The following WWOX variants were observed in gnomAD, a reference collection of about 807,000 sequenced individuals.
WWOX encodes WW domain containing oxidoreductase.
WWOX carries 69 observed loss-of-function variants against 46.2 expected under a neutral mutation model. The observed-to-expected ratio is 1.49, with a 90% confidence interval of 1.23 to 1.82. The LOEUF is 1.82. Among genes scored for constraint, WWOX ranks in the 40% most tolerant of loss-of-function variants. WWOX has a pLI of 0.00. For synonymous variants in WWOX, 359 were observed against 202.6 expected (o/e 1.77, Z -6.56); for missense variants, 919 against 542.6 (o/e 1.69, Z -6.89).
At chr16:79,008,839 C>T (rs1286890357) in intron 8 of WWOX, among the ~76,000 whole-genome samples, 1 of 152,178 alleles carries the variant, frequency 6.6e-6, no homozygotes, top group Admixed American at 6.5e-5. Context: ...GACCAGGGGG[C>T]CCCGATCAGG....
intron 8 of WWOX, among the ~76,000 whole-genome samples, chr16:78,912,367 G>C (rs992834637): frequency 5.3e-5 from 8 of 151,886 alleles, no homozygotes; most frequent in African/African-American, 1.9e-4. Flanking sequence ...ACTGTCATCT[G>C]CATTTTGCAC....
At chr16:78,794,345 G>C (rs74817357) in intron 8 of WWOX, among the ~76,000 whole-genome samples, 3 of 151,946 alleles carry the variant, frequency 2.0e-5, no homozygotes, top group East Asian at 3.9e-4. Flanking sequence ...AGTCTCTCTC[G>C]GTCTGTTCTG....
chr16:78,621,070 C>G (rs922720380), intron 8 of WWOX, among the ~76,000 whole-genome samples: 8 of 152,294 alleles, frequency 5.3e-5, no homozygotes, highest in African/African-American at 1.2e-4. Context: ...AACTTCCTTT[C>G]TCTTCTCCTG....
chr16:78,503,298 A>G (rs772969897), intron 8 of WWOX, among the ~76,000 whole-genome samples: 5 of 152,142 alleles, frequency 3.3e-5, no homozygotes, highest in Non-Finnish European at 7.3e-5. Context: ...TGAACTGAAA[A>G]TAAGGTAACA....
chr16:78,633,669 T>G (rs757286859), intron 8 of WWOX, among the ~76,000 whole-genome samples: 1 of 152,170 alleles, frequency 6.6e-6, no homozygotes, highest in Non-Finnish European at 1.5e-5. Context: ...AAGCAACTTG[T>G]GCTACCTCCT....
rs148738964 is a variant in WWOX at position 78,362,934 on chromosome 16, C to G, written c.517-23926C>G. Among the ~76,000 whole-genome samples the G allele has an allele frequency of 1.1e-4, 16 of 152,294 alleles. No homozygotes were observed. In the East Asian group the frequency reaches 3.1e-3, roughly 29 times the overall value. ...GAATGTTATCCTGCTCAGATGGTTG[C>G]ATGGGACAGTGTCCAGAGGAAGGCC... On this transcript the variant is annotated intron_variant, in intron 5 of 8. Transcript: ENST00000566780.
chr16:78,308,113 C>A (rs2080167289), intron 5 of WWOX, among the ~76,000 whole-genome samples: 1 of 152,176 alleles, frequency 6.6e-6, no homozygotes, highest in African/African-American at 2.4e-5. Flanking sequence ...ATTTTTCTCT[C>A]ATGGTGAGAG....
intron 5 of WWOX, among the ~76,000 whole-genome samples, chr16:78,199,535 G>A (rs886410530): frequency 1.3e-5 from 2 of 152,180 alleles, no homozygotes; most frequent in African/African-American, 4.8e-5. Context: ...AGGAAAGCCA[G>A]TGTTCTCATG....
chr16:78,146,240 C>G (rs3850112), intron 4 of WWOX, among the ~76,000 whole-genome samples: 24,490 of 152,096 alleles, frequency 0.16, 2,132 homozygotes, highest in East Asian at 0.22. Flanking sequence ...CTCTGCCTGG[C>G]AAGCCGTGCA....
chr16:78,278,652 A>C (rs746024168), intron 5 of WWOX: 2 of 1,610,468 alleles, frequency 1.2e-6, no homozygotes, highest in Admixed American at 1.7e-5. Context: ...AAAATTTTCC[A>C]CTAGCAAAAG....
intron 8 of WWOX, among the ~76,000 whole-genome samples, chr16:78,919,437 C>G (rs1261616882): frequency 6.6e-6 from 1 of 151,976 alleles, no homozygotes; most frequent in Non-Finnish European, 1.5e-5. Flanking sequence ...GGTAGATCAT[C>G]ACTTAGAATG....
At chr16:79,186,618 A>G (rs975332933) in intron 8 of WWOX, among the ~76,000 whole-genome samples, 1 of 152,198 alleles carries the variant, frequency 6.6e-6, no homozygotes. Flanking sequence ...TTCTGAGGCA[A>G]TGGCGGTTGG....
intron 8 of WWOX, among the ~76,000 whole-genome samples, chr16:78,912,139 G>A (rs2045128233): frequency 1.3e-5 from 2 of 151,912 alleles, no homozygotes; most frequent in South Asian, 2.1e-4. Flanking sequence ...TGTATAAAGT[G>A]GAGATGATGC....
intron 8 of WWOX, among the ~76,000 whole-genome samples, chr16:78,529,841 C>G (rs763650406): frequency 2.6e-5 from 4 of 152,182 alleles, no homozygotes; most frequent in South Asian, 2.1e-4. Flanking sequence ...ACATATAGTT[C>G]TCTCTGTGAC....
At chr16:78,685,839 T>C (rs2047842581) in intron 8 of WWOX, among the ~76,000 whole-genome samples, 1 of 151,014 alleles carries the variant, frequency 6.6e-6, no homozygotes, top group South Asian at 2.1e-4. Context: ...AGGCTGATTA[T>C]TGTTGAGGGA....
intron 8 of WWOX, among the ~76,000 whole-genome samples, chr16:79,125,761 G>T (rs546987529): frequency 1.3e-5 from 2 of 152,142 alleles, no homozygotes; most frequent in Non-Finnish European, 2.9e-5. Flanking sequence ...ATTTAATATG[G>T]GTTCTTTGGA....
At chr16:78,610,881 A>C (rs1243585058) in intron 8 of WWOX, among the ~76,000 whole-genome samples, 2 of 152,174 alleles carry the variant, frequency 1.3e-5, no homozygotes, top group Non-Finnish European at 2.9e-5. Context: ...GTATTCTTGC[A>C]ATTAATGACA....
intron 8 of WWOX, among the ~76,000 whole-genome samples, chr16:78,482,091 G>C (rs1414996487): frequency 1.3e-5 from 2 of 152,088 alleles, no homozygotes; most frequent in Admixed American, 6.5e-5. Flanking sequence ...CTGGGGAATA[G>C]GTGGATATTA....
intron 8 of WWOX, chr16:78,996,378 C>G (rs898583908): frequency 1.3e-5 from 9 of 685,448 alleles, no homozygotes; most frequent in African/African-American, 6.0e-5. Flanking sequence ...CTGCACCCAC[C>G]CCCGCCCCCC....
Sources: allele counts gnomAD v4.1 joint callset (sites outside exome capture counted in the v4.1 genomes callset), GRCh38; gene constraint gnomAD v4.1.1; transcripts MANE v1.5; gene names NCBI Gene and HGNC (gene_info 2026-07-23, HGNC 2026-07-21).